Variants in BIRC6 observed in about 807,000 individuals in gnomAD.
The protein encoded by BIRC6 is dual E2 ubiquitin-conjugating enzyme/E3 ubiquitin-protein ligase BIRC6.
Under a neutral mutation model 503.3 loss-of-function variants are expected in BIRC6, and 98 were observed. That is an observed-to-expected ratio of 0.19 (90% CI 0.17 to 0.23). The LOEUF is 0.23. BIRC6 is among the 10% of genes least tolerant of loss of function. The pLI is 1.00. For missense variants in BIRC6, 5,360 were observed against 5,806.0 expected (o/e 0.92, Z 2.50); for synonymous variants, 2,240 against 2,078.7 (o/e 1.08, Z -2.11).
chr2:32,567,763 A>T (rs982014637), intron 65 of BIRC6, among the ~76,000 whole-genome samples: 6 of 152,174 alleles, frequency 3.9e-5, no homozygotes, highest in African/African-American at 1.4e-4. Context: ...TCATATAGAA[A>T]ATGGATTAGA....
In BIRC6 at chr2:32,508,098, A is replaced by G. The variant is rs757875417; in HGVS notation, c.9819A>G (p.Glu3273=). The G allele has an allele frequency of 7.4e-6, 12 of 1,613,812 alleles. No individual in the cohort carries two copies. The highest frequency in any genetic ancestry group is 1.3e-5 in the African/African-American group (1 of 74,886). The change falls in exon 51 of 74, where the codon GAA becomes GAG. Residue 3273 remains glutamate, a synonymous_variant. Transcript: ENST00000421745. ...TAAAAATTCAGCTTGTAAAAGCCGA[A>G]GTAGCTTCTGCTGTCTGCCTTAGAC... is the stretch of plus-strand genomic sequence containing the variant. ...TYIKIQLVKA[E]VASAVCLRLH... is the part of the protein sequence containing the mutation.
intron 70 of BIRC6, chr2:32,602,778 TA>T (rs1359763782): frequency 1.2e-5 from 5 of 428,606 alleles, no homozygotes; most frequent in African/African-American, 1.0e-4. Flanking sequence ...TGACATATAA[TA>T]GGTGCTGGTC....
At position 32,617,819 on chromosome 2, in the gene BIRC6, C is replaced by G. The variant is rs761966790; in HGVS notation, c.14489C>G (p.Ala4830Gly). 25 of 1,613,982 alleles carry G rather than the reference C, an allele frequency of 1.5e-5. No individual in the cohort carries two copies. In the South Asian group the frequency reaches 2.6e-4, roughly 17 times the overall value. Reference protein sequence around the residue: ...DTDDAPEVCRATTGAEETLMH... With the variant: ...DTDDAPEVCRGTTGAEETLMH... ...GACGATGCCCCAGAGGTGTGCAGAG[C>G]CACAACAGGTGCTGAGGAGACTCTA... is the stretch of plus-strand genomic sequence containing the variant. The change falls in exon 74 of 74, where the codon GCC becomes GGC. Residue 4830 changes from alanine to glycine, a missense_variant. Physicochemically the swap from Ala to Gly is moderately conservative, Grantham distance 60. Around this residue, in one of 16 missense-constraint regions of BIRC6, gnomAD observed 140 missense variants for 130.2 expected, o/e 1.07. Coordinates refer to ENST00000421745, the MANE Select transcript of BIRC6 (RefSeq NM_016252.4).
intron 72 of BIRC6, among the ~76,000 whole-genome samples, chr2:32,607,931 C>A (rs1573350823): frequency 7.6e-6 from 1 of 130,972 alleles, no homozygotes; most frequent in East Asian, 2.5e-4. Context: ...GAGACTGCAC[C>A]ACTGCACTCC....
intron 65 of BIRC6, among the ~76,000 whole-genome samples, chr2:32,552,759 T>C (rs1232664618): frequency 2.0e-5 from 3 of 152,180 alleles, no homozygotes; most frequent in African/African-American, 4.8e-5. Flanking sequence ...ATCGTGCCAC[T>C]GCATTCCAGC....
chr2:32,388,951 C>T lies in BIRC6; in HGVS notation c.839+8C>T, dbSNP rs1463730392. On this transcript the variant is annotated splice_region_variant and intron_variant, in intron 4 of 73. Transcript: ENST00000421745. ...AGGCCGTTCTGTAGACAGGTATGAA[C>T]CTTGCTAACAAAGGTGACAGTGAGA... 1 of 1,431,046 alleles carries T rather than the reference C, an allele frequency of 7.0e-7. No individual in the cohort carries two copies. Among genetic ancestry groups the T allele is most frequent in the Admixed American group, 2.5e-5 (1 of 39,788 alleles). 88.6% of individuals were successfully genotyped at this position (1,431,046 alleles called of 1,614,324 possible).
chr2:32,372,786 C>T (rs984295890), intron 1 of BIRC6, among the ~76,000 whole-genome samples: 3 of 151,932 alleles, frequency 2.0e-5, no homozygotes, highest in Non-Finnish European at 2.9e-5. Flanking sequence ...GCAGTGATTT[C>T]GCCACTATAT....
intron 71 of BIRC6, among the ~76,000 whole-genome samples, chr2:32,604,966 T>C (rs1443660683): frequency 6.6e-6 from 1 of 150,938 alleles, no homozygotes; most frequent in African/African-American, 2.4e-5. Context: ...TACTACAACC[T>C]CTGCGTCTCG....
chr2:32,439,920 C>A lies in BIRC6; in HGVS notation c.3810+234C>A, dbSNP rs542550041. 2.0e-4 allele frequency among the ~76,000 whole-genome samples: 31 copies of A among 152,240 alleles called. No individual in the cohort carries two copies. In the South Asian group the frequency reaches 6.2e-3, roughly 31 times the overall value. ...TTGAGACGGGGTCTCACTCTTTCCC[C>A]CAGGCTGGAATGCAGTGGCGCAAAC... On this transcript the variant is annotated intron_variant, in intron 16 of 73. Coordinates refer to ENST00000421745, the MANE Select transcript of BIRC6 (RefSeq NM_016252.4).
intron 6 of BIRC6, among the ~76,000 whole-genome samples, chr2:32,400,152 T>G (rs2040437393): frequency 6.6e-6 from 1 of 152,100 alleles, no homozygotes; most frequent in Non-Finnish European, 1.5e-5. Context: ...TCTCGCTCAG[T>G]AAGCATTTAT....
At chr2:32,611,938 G>T (rs756261695) in intron 73 of BIRC6, among the ~76,000 whole-genome samples, 3 of 152,056 alleles carry the variant, frequency 2.0e-5, no homozygotes, top group Admixed American at 6.6e-5. Context: ...TGCAGTGGTG[G>T]CATCATGACT....
chr2:32,555,914 C>CAAAAA (rs372061622), intron 65 of BIRC6, among the ~76,000 whole-genome samples: 1 of 86,068 alleles, frequency 1.2e-5, no homozygotes, highest in Non-Finnish European at 2.4e-5. Flanking sequence ...GACCCTATCT[C>CAAAAA]AAAAAAAAAA....
In BIRC6 at chr2:32,446,301, T is replaced by C. The variant is rs75774539; in HGVS notation, c.4484+633T>C. On this transcript the variant is annotated intron_variant, in intron 21 of 73. Coordinates refer to ENST00000421745, the MANE Select transcript of BIRC6 (RefSeq NM_016252.4). ...TCTGTGCACTTTATAGGTGGAATTA[T>C]GTGAGTCACTTATTGTCCCATAACT... Among the ~76,000 whole-genome samples the C allele has an allele frequency of 4.1e-4, 63 of 152,364 alleles. 1 individual carries two copies. The East Asian group carries it at 0.011, about 26-fold the overall frequency.
chr2:32,488,632 T>G lies in BIRC6; in HGVS notation c.8013T>G (p.Ser2671=), dbSNP rs1362911865. The G allele has an allele frequency of 6.5e-7, 1 of 1,530,002 alleles. No individual in the cohort carries two copies. The highest frequency in any genetic ancestry group is 8.8e-7 in the Non-Finnish European group (1 of 1,131,266). 94.8% of individuals were successfully genotyped at this position (1,530,002 alleles called of 1,614,324 possible). A position where few individuals can be genotyped will look rare whatever the true frequency, so the allele number is the denominator to read the frequency against. Residue 2671 remains serine, a synonymous_variant, in exon 42 of 74, where the codon TCT becomes TCG. Transcript: ENST00000421745. The part of the protein sequence containing the change: ...LQLWLTLSLN[S]SSTGNKENGA... ...TGTGGCTCACACTGAGCCTGAATTCTAGTTCAACTGGAAACAAAGAAAATG... is the reference window on the plus strand; with the variant it reads ...TGTGGCTCACACTGAGCCTGAATTCGAGTTCAACTGGAAACAAAGAAAATG...
chr2:32,533,689 G>A (rs1269364600), intron 61 of BIRC6, among the ~76,000 whole-genome samples: 2 of 152,122 alleles, frequency 1.3e-5, no homozygotes, highest in Non-Finnish European at 2.9e-5. Flanking sequence ...AAGCATAAGC[G>A]AGGAATAGAG....
intron 57 of BIRC6, chr2:32,523,355 G>C (rs1316992712): frequency 6.6e-6 from 1 of 152,026 alleles, no homozygotes; most frequent in Non-Finnish European, 1.5e-5. Context: ...AATGAAAATT[G>C]GCTAAACTTC....
Position 32,524,923 on chromosome 2 carries a change from CA to C in BIRC6, c.11664del (p.Asp3889MetfsTer32). 1 of 1,512,232 alleles carries C rather than the reference CA, an allele frequency of 6.6e-7. No individual in the cohort carries two copies. The highest frequency in any genetic ancestry group is 8.9e-7 in the Non-Finnish European group (1 of 1,126,172). 93.7% of individuals were successfully genotyped at this position (1,512,232 alleles called of 1,614,324 possible). A position where few individuals can be genotyped will look rare whatever the true frequency, so the allele number is the denominator to read the frequency against. On this transcript the variant is annotated frameshift_variant, in exon 58 of 74. Transcript: ENST00000421745. LOFTEE classifies it high-confidence loss of function. ...PSITAKLISE[Q>X]KDDKEKKNHE... ...TATCACAGCTAAATTAATTAGTGAA[CA>C]AAAAGATGACAAAGAAAAGAAAAAC...
chr2:32,433,457 G>A (rs747478821), intron 12 of BIRC6, among the ~76,000 whole-genome samples, 187 bp from the exon 13 acceptor site: 91 of 151,362 alleles, frequency 6.0e-4, no homozygotes, highest in Non-Finnish European at 1.1e-3. Context: ...TCTAAAGTAA[G>A]ATTATTCATT....
At chr2:32,358,803 A>G (rs1252372642) in intron 1 of BIRC6, among the ~76,000 whole-genome samples, 1 of 152,214 alleles carries the variant, frequency 6.6e-6, no homozygotes, top group Non-Finnish European at 1.5e-5. Flanking sequence ...ATCTAAGAGA[A>G]AGTTTTGGGA....
Sources: gnomAD v4.1 joint callset for allele counts (sites outside exome capture counted in the v4.1 genomes callset) on GRCh38, gnomAD v4.1.1 for gene constraint, gnomAD v4.1.1 regional missense constraint, MANE v1.5 for transcripts, NCBI Gene and HGNC (gene_info 2026-07-23, HGNC 2026-07-21) for gene names.